FAM107A: variants seen among roughly 807,000 people sequenced by gnomAD.
FAM107A encodes actin-associated protein FAM107A.
FAM107A carries 19 observed loss-of-function variants against 13.7 expected under a neutral mutation model. The ratio of observed to expected loss-of-function variants is 1.38; its 90% CI spans 0.97 to 2.03. The LOEUF is 2.03. FAM107A is among the 30% of genes most tolerant of loss of function. The pLI is 0.00. For missense variants in FAM107A, 203 were observed against 184.4 expected, an observed-to-expected ratio of 1.10 and a Z score of -0.58; for synonymous variants, 82 against 74.5, an observed-to-expected ratio of 1.10 and a Z score of -0.52.
Position 58,565,378 on chromosome 3 carries a change from A to G in FAM107A, c.*1210T>C, listed in dbSNP as rs1322711872. On this transcript the variant is annotated 3_prime_UTR_variant, in exon 4 of 4. Transcript: ENST00000360997. ...ACCACTGTTTCTATTCCAGAAGCCT[A>G]CTGAAAATCATTGTATATTTGCTTT... 1 of 151,396 alleles carries G rather than the reference A, an allele frequency of 6.6e-6. No individual in the cohort carries two copies. The highest frequency in any genetic ancestry group is 1.5e-5 in the Non-Finnish European group (1 of 67,882). The allele number at this position is 151,396 out of a possible 1,614,324, so 9.4% of individuals were successfully genotyped here.
intron 1 of FAM107A, among the ~76,000 whole-genome samples, chr3:58,614,929 CTGAG>C (rs1335367505): frequency 6.6e-6 from 1 of 152,118 alleles, no homozygotes; most frequent in Non-Finnish European, 1.5e-5. Context: ...CCTCAGCCTC[CTGAG>C]TAGCTGGGAT....
chr3:58,616,526 AAC>A (rs59230021), intron 1 of FAM107A, among the ~76,000 whole-genome samples: 15,280 of 137,596 alleles, frequency 0.11, 1,150 homozygotes, highest in African/African-American at 0.24. Context: ...ATAAGAGGAG[AAC>A]ACACACACAC....
rs181009636 is a variant in FAM107A at position 58,603,072 on chromosome 3, G to A, written c.-69-13803C>T. Reference sequence around the variant, plus strand: ...TAGTTCTCTGCATTTCTTGAGTTTCGTTTTTTCAATGAACCTGTGTTTTAT... The same window carrying A: ...TAGTTCTCTGCATTTCTTGAGTTTCATTTTTTCAATGAACCTGTGTTTTAT... On this transcript the variant is annotated intron_variant, in intron 1 of 3. Coordinates refer to the FAM107A transcript ENST00000465970. Among the ~76,000 whole-genome samples the A allele has an allele frequency of 4.5e-3, 681 of 152,152 alleles. 6 individuals carry two copies. The highest frequency in any genetic ancestry group is 0.01 in the Admixed American group (154 of 15,286).
chr3:58,566,899 T>C (rs1430804384), intron 3 of FAM107A: 2 of 608,562 alleles, frequency 3.3e-6, no homozygotes, highest in Non-Finnish European at 2.9e-6. Context: ...ACTCACCCCC[T>C]CTGGGCCTCA....
intron 1 of FAM107A, among the ~76,000 whole-genome samples, chr3:58,599,294 GC>G (rs2108070005): frequency 6.6e-6 from 1 of 152,286 alleles, no homozygotes; most frequent in South Asian, 2.1e-4. Context: ...TATGCTTGCT[GC>G]CTTTCTGTCC....
chr3:58,618,005 G>A (rs146430839), intron 1 of FAM107A, among the ~76,000 whole-genome samples: 1 of 152,282 alleles, frequency 6.6e-6, no homozygotes, highest in African/African-American at 2.4e-5. Context: ...TCTTTGAGTC[G>A]AGCGTCTGCT....
chr3:58,604,336 C>A lies in FAM107A; in HGVS notation c.-69-15067G>T, dbSNP rs112954346. 0.013 allele frequency among the ~76,000 whole-genome samples: 1,972 copies of A among 152,208 alleles called. 45 individuals are homozygous for A. Among genetic ancestry groups the A allele is most frequent in the African/African-American group, 0.043 (1,805 of 41,510 alleles). On this transcript the variant is annotated intron_variant, in intron 1 of 3. Transcript: ENST00000465970. This position sits in a 1 kb window ranked among gnomAD's most constrained non-coding sequence, Gnocchi z 4.1. ...ACGCAGATCCAATTCCTTCTCCAAC[C>A]GGTTCTTCCAGGCCTCAGCTCAGAG...
chr3:58,584,584 G>A (rs756027427), intron 1 of FAM107A, among the ~76,000 whole-genome samples: 4 of 152,202 alleles, frequency 2.6e-5, no homozygotes, highest in African/African-American at 4.8e-5. Context: ...TCTCTTAAAT[G>A]GAGATAACAA....
chr3:58,616,908 G>C (rs2065907237), intron 1 of FAM107A, among the ~76,000 whole-genome samples: 1 of 152,060 alleles, frequency 6.6e-6, no homozygotes. Context: ...CGAATAGCTG[G>C]GACTACAGGC....
intron 1 of FAM107A, among the ~76,000 whole-genome samples, chr3:58,621,378 G>T (rs1397339702): frequency 6.6e-6 from 1 of 152,122 alleles, no homozygotes; most frequent in African/African-American, 2.4e-5. Context: ...AGGGCCCTGT[G>T]CTTGGTTTAA....
chr3:58,598,303 G>C (rs1308583594), intron 1 of FAM107A, among the ~76,000 whole-genome samples: 2 of 152,194 alleles, frequency 1.3e-5, no homozygotes, highest in East Asian at 3.9e-4. Flanking sequence ...CTTTGCAGGG[G>C]TCCACTTACA....
At chr3:58,578,685 A>C (rs1332379080), upstream of FAM107A, among the ~76,000 whole-genome samples, 2 of 152,354 alleles carry the variant, frequency 1.3e-5, no homozygotes, top group African/African-American at 4.8e-5. Context: ...TTTCAGAATC[A>C]GCTTTCACTT....
At chr3:58,611,311 C>A (rs1420133036) in intron 1 of FAM107A, among the ~76,000 whole-genome samples, 1 of 152,236 alleles carries the variant, frequency 6.6e-6, no homozygotes, top group Non-Finnish European at 1.5e-5. Context: ...CCCTTCACTC[C>A]CCACTCCCAG....
At chr3:58,618,530 C>G (rs956301024) in intron 1 of FAM107A, among the ~76,000 whole-genome samples, 1 of 152,252 alleles carries the variant, frequency 6.6e-6, no homozygotes, top group African/African-American at 2.4e-5. Flanking sequence ...GTCCCTCATT[C>G]AGGGCCTCTG....
At chr3:58,568,962 A>T (rs912510479) in intron 2 of FAM107A, among the ~76,000 whole-genome samples, 2 of 151,878 alleles carry the variant, frequency 1.3e-5, no homozygotes. Flanking sequence ...AAAGCCAGCC[A>T]CCATCCTGGG....
At chr3:58,609,723 G>A (rs1218705546) in intron 1 of FAM107A, among the ~76,000 whole-genome samples, 2 of 152,152 alleles carry the variant, frequency 1.3e-5, no homozygotes, top group Non-Finnish European at 2.9e-5. Flanking sequence ...GTGGAGGAGG[G>A]AAAGTCATTT....
rs1234113936 is a variant in FAM107A, at chr3:58,602,072, A to G, written c.-69-12803T>C. 3.3e-5 allele frequency among the ~76,000 whole-genome samples: 5 copies of G among 152,224 alleles called. No individual in the cohort carries two copies. In the Middle Eastern group the frequency reaches 0.014, roughly 414 times the overall value. ...GAGGCAGAGCTTTGAGAGCTTGTGA[A>G]ATAACACACCAGGAAGCTGCTGAGT... is the stretch of plus-strand genomic sequence containing the variant. On this transcript the variant is annotated intron_variant, in intron 1 of 3. Coordinates refer to the FAM107A transcript ENST00000465970.
At chr3:58,616,673 C>T (rs1225727010) in intron 1 of FAM107A, among the ~76,000 whole-genome samples, 1 of 152,084 alleles carries the variant, frequency 6.6e-6, no homozygotes, top group Non-Finnish European at 1.5e-5. Flanking sequence ...GGGCATGGAA[C>T]AGATCCTCTG....
chr3:58,566,778 GC>G, intron 3 of FAM107A, 83 bp from the exon 4 acceptor site: 1 of 1,141,476 alleles, frequency 8.8e-7, no homozygotes, highest in Non-Finnish European at 1.3e-6. Context: ...TGGACCAAGG[GC>G]CCACTCAGTG....
Sources: allele counts gnomAD v4.1 joint callset (sites outside exome capture counted in the v4.1 genomes callset), GRCh38; gene constraint gnomAD v4.1.1; non-coding constraint Gnocchi (gnomAD v3.1); transcripts MANE v1.5; gene names NCBI Gene and HGNC (gene_info 2026-07-23, HGNC 2026-07-21).